Variants in BCAR3 observed in about 807,000 individuals in gnomAD.
BCAR3 encodes breast cancer anti-estrogen resistance protein 3.
A neutral mutation model predicts 80.1 loss-of-function variants in BCAR3; 37 were observed. The ratio of observed to expected loss-of-function variants is 0.46; its 90% CI spans 0.36 to 0.61. BCAR3 has a LOEUF of 0.61. BCAR3 is among the 20% of genes least tolerant of loss of function. The pLI is 0.00. For synonymous variants in BCAR3, 389 were observed against 418.9 expected (o/e 0.93, Z 0.87); for missense variants, 978 against 1,068.2 (o/e 0.92, Z 1.18).
intron 8 of BCAR3, among the ~76,000 whole-genome samples, chr1:93,572,172 T>C (rs1001788989): frequency 6.6e-6 from 1 of 152,162 alleles, no homozygotes; most frequent in Admixed American, 6.5e-5. Context: ...CCTAGTACCC[T>C]GTACCATGAG....
chr1:93,582,164 G>A, intron 7 of BCAR3, 137 bp downstream of exon 7: 3 of 1,145,918 alleles, frequency 2.6e-6, no homozygotes, highest in Non-Finnish European at 2.4e-6. Flanking sequence ...TATGGGCAAA[G>A]CATTTAATGG....
At chr1:93,837,955 C>T (rs538198165) in intron 2 of BCAR3, among the ~76,000 whole-genome samples, 1 of 152,316 alleles carries the variant, frequency 6.6e-6, no homozygotes, top group East Asian at 1.9e-4. Flanking sequence ...ATGTTCAAGG[C>T]TCTAGCATGG....
intron 3 of BCAR3, among the ~76,000 whole-genome samples, chr1:93,638,974 T>C (rs755568331): frequency 2.5e-4 from 38 of 152,220 alleles, no homozygotes; most frequent in Non-Finnish European, 5.0e-4. Flanking sequence ...CCCAAATCCC[T>C]GGACTACTTT....
At chr1:93,752,356 C>T (rs1172173413) in intron 2 of BCAR3, among the ~76,000 whole-genome samples, 2 of 152,188 alleles carry the variant, frequency 1.3e-5, no homozygotes, top group African/African-American at 4.8e-5. Flanking sequence ...TTTCTCCTTC[C>T]CAGGCTAGGG....
chr1:93,587,909 A>C (rs1674014241), intron 5 of BCAR3, among the ~76,000 whole-genome samples: 1 of 152,002 alleles, frequency 6.6e-6, no homozygotes, highest in African/African-American at 2.4e-5. Flanking sequence ...GCCCTATACA[A>C]ATGCAGGCCA....
intron 2 of BCAR3, among the ~76,000 whole-genome samples, chr1:93,672,976 T>C (rs116310509): frequency 0.023 from 3,517 of 152,086 alleles, 132 homozygotes; most frequent in African/African-American, 0.08. Context: ...CCTTTTGGGG[T>C]TTTCAAACAT....
intron 3 of BCAR3, among the ~76,000 whole-genome samples, chr1:93,607,702 T>C (rs772645288): frequency 6.6e-6 from 1 of 152,034 alleles, no homozygotes; most frequent in Admixed American, 6.5e-5. Flanking sequence ...AGCTCCCGTA[T>C]AGGAAGCTCT....
At chr1:93,666,825 G>A (rs949069365) in intron 2 of BCAR3, among the ~76,000 whole-genome samples, 1 of 152,170 alleles carries the variant, frequency 6.6e-6, no homozygotes, top group Non-Finnish European at 1.5e-5. Flanking sequence ...CTGTAGGGCA[G>A]GCTCAGATAG....
At chr1:93,720,131 A>G (rs1442136586) in intron 2 of BCAR3, 1 of 152,210 alleles carries the variant, frequency 6.6e-6, no homozygotes, top group Non-Finnish European at 1.5e-5. Flanking sequence ...GGTGGCTGCC[A>G]GCTGGCTATG....
At chr1:93,690,794 T>C (rs1178315564) in intron 3 of BCAR3, among the ~76,000 whole-genome samples, 1 of 152,242 alleles carries the variant, frequency 6.6e-6, no homozygotes, top group Non-Finnish European at 1.5e-5. Context: ...TTGATAAATG[T>C]AGACTATTTT....
intron 1 of BCAR3, among the ~76,000 whole-genome samples, chr1:93,675,418 C>T (rs1226261703): frequency 2.6e-5 from 4 of 152,212 alleles, no homozygotes; most frequent in African/African-American, 9.6e-5. Context: ...TTGTGCTACA[C>T]AGGATGGGAC....
At chr1:93,711,923 T>C (rs1650040693) in intron 2 of BCAR3, among the ~76,000 whole-genome samples, 1 of 152,164 alleles carries the variant, frequency 6.6e-6, no homozygotes, top group Non-Finnish European at 1.5e-5. Context: ...TCAAACCCTC[T>C]CTGCACGTCT....
In BCAR3 at chr1:93,730,893, C is replaced by G. The variant is rs142189277; in HGVS notation, c.-62-24751G>C. On this transcript the variant is annotated intron_variant, in intron 2 of 13. Transcript: ENST00000370244. ...GGGAAAGAACTTGGCAGTAGAGAAC[C>G]CTGGCAAACACTCCTCAGCTAGGTG... Among the ~76,000 whole-genome samples the G allele has an allele frequency of 1.7e-3, 261 of 152,230 alleles. 1 individual carries two copies. Among genetic ancestry groups the G allele is most frequent in the African/African-American group, 5.9e-3 (246 of 41,558 alleles).
At chr1:93,585,112 C>T (rs749102700) in intron 5 of BCAR3, 185 of 985,244 alleles carry the variant, frequency 1.9e-4, no homozygotes, top group Non-Finnish European at 2.2e-4. Flanking sequence ...GATATTTAAG[C>T]AGTGACCACT....
intron 3 of BCAR3, among the ~76,000 whole-genome samples, chr1:93,690,168 T>A (rs1439955289): frequency 2.0e-5 from 3 of 152,210 alleles, no homozygotes; most frequent in Non-Finnish European, 4.4e-5. Context: ...ATAACAGACT[T>A]CTGTAATTGT....
intron 1 of BCAR3, among the ~76,000 whole-genome samples, chr1:93,678,676 G>T (rs1364647446): frequency 3.9e-5 from 6 of 152,208 alleles, no homozygotes; most frequent in Non-Finnish European, 7.3e-5. Context: ...AATATAAACA[G>T]GATGAACTGA....
intron 5 of BCAR3, among the ~76,000 whole-genome samples, chr1:93,584,416 A>G (rs1485610165): frequency 1.3e-5 from 2 of 152,176 alleles, no homozygotes; most frequent in African/African-American, 2.4e-5. Context: ...GAGTAGGGTA[A>G]AAGTTTTACG....
At chr1:93,573,215 G>T (rs1673289489) in intron 8 of BCAR3, among the ~76,000 whole-genome samples, 1 of 152,022 alleles carries the variant, frequency 6.6e-6, no homozygotes, top group Non-Finnish European at 1.5e-5. Context: ...GGGCAACATG[G>T]GCTAAACCCC....
chr1:93,745,267 AGTTGGATTCAGCCTCTGCCCAC>A lies in BCAR3; in HGVS notation c.-62-39147_-62-39126del, dbSNP rs546808087. Among the ~76,000 whole-genome samples the A allele has an allele frequency of 5.9e-5, 9 of 152,278 alleles. No individual in the cohort carries two copies. The East Asian group carries it at 1.5e-3, about 26-fold the overall frequency. ...CTTGGCTGTGCAGATGGGAGTTGGC[AGTTGGATTCAGCCTCTGCCCAC>A]CTCCAAGGAGTTAGGTGCTTTGAAG... On this transcript the variant is annotated intron_variant, in intron 2 of 13. Transcript: ENST00000370244.
Sources: gnomAD v4.1 joint callset for allele counts (sites outside exome capture counted in the v4.1 genomes callset) on GRCh38, gnomAD v4.1.1 for gene constraint, MANE v1.5 for transcripts, NCBI Gene and HGNC (gene_info 2026-07-23, HGNC 2026-07-21) for gene names.